The following REEP1 variants were observed in gnomAD, a reference collection of about 807,000 sequenced individuals.
REEP1 encodes the protein receptor accessory protein 1, also known as receptor expression-enhancing protein 1.
A neutral mutation model predicts 40.3 loss-of-function variants in REEP1; 22 were observed. That is an observed-to-expected ratio of 0.55 (90% CI 0.39 to 0.78). The LOEUF is 0.78. Among genes scored for constraint, REEP1 ranks in the 30% least tolerant of loss-of-function variants. The pLI is 0.00. For missense variants in REEP1, 280 were observed against 361.1 expected (o/e 0.78, Z 1.82); for synonymous variants, 116 against 139.2 (o/e 0.83, Z 1.17).
chr2:86,337,790 G>A (rs1681125500), upstream of REEP1: 1 of 823,744 alleles, frequency 1.2e-6, no homozygotes, highest in Non-Finnish European at 1.6e-6. The surrounding 1 kb of genome is among the most constrained non-coding windows in gnomAD (Gnocchi z 5.8). Context: ...CGCTCGCCCT[G>A]GCCCCCGGCT....
intron 1 of REEP1, among the ~76,000 whole-genome samples, chr2:86,331,341 A>G (rs1680752093): frequency 6.6e-6 from 1 of 152,136 alleles, no homozygotes; most frequent in Non-Finnish European, 1.5e-5. Flanking sequence ...TCACATGCTG[A>G]CTTCTGTGGC....
chr2:86,259,879 G>A (rs1293382769), intron 3 of REEP1, among the ~76,000 whole-genome samples: 8 of 152,166 alleles, frequency 5.3e-5, no homozygotes, highest in Non-Finnish European at 1.2e-4. Context: ...GGGGGTGAGC[G>A]AAGAGTGAGG....
At chr2:86,265,505 CA>C (rs1010464231) in intron 2 of REEP1, among the ~76,000 whole-genome samples, 2 of 148,528 alleles carry the variant, frequency 1.3e-5, no homozygotes, top group East Asian at 2.0e-4. Flanking sequence ...CACAAGAAGG[CA>C]AAAAAAAATC....
chr2:86,246,549 C>T (rs1242238707), intron 5 of REEP1, among the ~76,000 whole-genome samples: 3 of 152,130 alleles, frequency 2.0e-5, no homozygotes, highest in African/African-American at 7.2e-5. Flanking sequence ...GTTGGTTTAC[C>T]AGGTCTGAGA....
At chr2:86,305,933 C>A (rs997829817) in intron 1 of REEP1, among the ~76,000 whole-genome samples, 4 of 152,198 alleles carry the variant, frequency 2.6e-5, no homozygotes, top group Admixed American at 2.6e-4. Context: ...TCGGGCCACT[C>A]GCCTGCTCGT....
At chr2:86,226,564 G>A (rs1558870603) in intron 7 of REEP1, among the ~76,000 whole-genome samples, 1 of 149,032 alleles carries the variant, frequency 6.7e-6, no homozygotes. Context: ...GATTTCCCAG[G>A]CTCAAGCAAT....
intron 5 of REEP1, among the ~76,000 whole-genome samples, chr2:86,244,873 G>A (rs971967491): frequency 1.6e-4 from 24 of 152,162 alleles, no homozygotes; most frequent in African/African-American, 5.1e-4. Context: ...AGCCAGGTGC[G>A]GTGGCTCATG....
chr2:86,334,242 G>T (rs1358593332), intron 1 of REEP1, among the ~76,000 whole-genome samples: 1 of 152,210 alleles, frequency 6.6e-6, no homozygotes, highest in Non-Finnish European at 1.5e-5. Flanking sequence ...CCATCAGCTT[G>T]TTGTGATACC....
intron 7 of REEP1, among the ~76,000 whole-genome samples, chr2:86,220,783 C>CA (rs1008829166): frequency 2.7e-5 from 4 of 149,804 alleles, no homozygotes; most frequent in African/African-American, 7.3e-5. Flanking sequence ...ATGCCTCTGC[C>CA]AAAAAAAATG....
intron 4 of REEP1, among the ~76,000 whole-genome samples, chr2:86,252,527 AATG>A (rs1366949342): frequency 3.3e-5 from 5 of 152,332 alleles, no homozygotes; most frequent in African/African-American, 1.2e-4. Flanking sequence ...AAACGAGGAT[AATG>A]ATAATACCCA....
At chr2:86,232,567 C>T (rs928676096) in intron 6 of REEP1, 58 bp downstream of exon 6, 3 of 1,591,426 alleles carry the variant, frequency 1.9e-6, no homozygotes, top group Non-Finnish European at 2.6e-6. Context: ...GACTGGGCCT[C>T]TCTCAATGAA....
chr2:86,255,637 C>T (rs1202683032), intron 3 of REEP1, among the ~76,000 whole-genome samples: 1 of 152,156 alleles, frequency 6.6e-6, no homozygotes, highest in African/African-American at 2.4e-5. Flanking sequence ...CATGGAGCTT[C>T]TGGTCCACTG....
intron 3 of REEP1, among the ~76,000 whole-genome samples, chr2:86,258,926 G>C (rs1475362864): frequency 6.6e-6 from 1 of 152,202 alleles, no homozygotes; most frequent in Non-Finnish European, 1.5e-5. Context: ...AAGAGGGTTA[G>C]ACATGGGATG....
chr2:86,289,594 T>C (rs185471014), intron 1 of REEP1, among the ~76,000 whole-genome samples: 1 of 152,356 alleles, frequency 6.6e-6, no homozygotes, highest in Admixed American at 6.5e-5. Flanking sequence ...TAGATTTTGA[T>C]TGGAATTTCA....
Position 86,224,092 on chromosome 2 carries a change from C to A in REEP1, c.631+3271G>T, listed in dbSNP as rs146808875. ...TGCCCCTGGGGCCTCTAAGCTCTGT[C>A]ACTGCCCTAAAAGGCACTTAGCAGC... On this transcript the variant is annotated intron_variant, in intron 7 of 8. Transcript: ENST00000538924. Among the ~76,000 whole-genome samples, 112 of 152,246 alleles carry A rather than the reference C, an allele frequency of 7.4e-4. 1 individual carries two copies. In the East Asian group the frequency reaches 0.018, roughly 25 times the overall value.
chr2:86,279,115 T>C (rs1677919770), intron 2 of REEP1, among the ~76,000 whole-genome samples: 1 of 152,122 alleles, frequency 6.6e-6, no homozygotes, highest in South Asian at 2.1e-4. Flanking sequence ...GGGGAATGTG[T>C]GTCAAAAACT....
At chr2:86,269,223 T>G (rs1335532731) in intron 2 of REEP1, among the ~76,000 whole-genome samples, 1 of 152,208 alleles carries the variant, frequency 6.6e-6, no homozygotes, top group East Asian at 1.9e-4. Context: ...TTAGAACACT[T>G]GTTCTATTTT....
intron 5 of REEP1, among the ~76,000 whole-genome samples, chr2:86,248,202 T>G (rs1676073245): frequency 6.6e-6 from 1 of 152,178 alleles, no homozygotes; most frequent in East Asian, 1.9e-4. Flanking sequence ...GTGCTGAGTC[T>G]CTTCCAGGAA....
intron 2 of REEP1, among the ~76,000 whole-genome samples, chr2:86,268,822 C>T (rs540936847): frequency 7.9e-5 from 12 of 152,260 alleles, no homozygotes; most frequent in Middle Eastern, 3.4e-3. Context: ...AATAGACCCA[C>T]GCAAGTATAG....
Sources: gnomAD v4.1 joint callset for allele counts (sites outside exome capture counted in the v4.1 genomes callset) on GRCh38, gnomAD v4.1.1 for gene constraint, Gnocchi (gnomAD v3.1) non-coding constraint, MANE v1.5 for transcripts, NCBI Gene and HGNC (gene_info 2026-07-23, HGNC 2026-07-21) for gene names.